Variants in SPATA13 observed in about 807,000 individuals in gnomAD.
The protein encoded by SPATA13 is spermatogenesis associated 13.
Under a neutral mutation model 104.0 loss-of-function variants are expected in SPATA13, and 50 were observed. The observed-to-expected ratio is 0.48, with a 90% confidence interval of 0.38 to 0.61. SPATA13 has a LOEUF of 0.61. Ranked by LOEUF, SPATA13 falls within the 20% of genes least tolerant of loss-of-function variation. The probability of loss-of-function intolerance (pLI) is 0.00; values close to 1 mark genes in which losing one functional copy is unlikely to be tolerated. For synonymous variants in SPATA13, 606 were observed against 667.5 expected (o/e 0.91, Z 1.42); for missense variants, 1,524 against 1,690.6 (o/e 0.90, Z 1.73).
intron 3 of SPATA13, among the ~76,000 whole-genome samples, chr13:24,045,142 C>T (rs899876231): frequency 1.3e-5 from 2 of 152,160 alleles, no homozygotes; most frequent in African/African-American, 2.4e-5. Context: ...GCCAATCCTT[C>T]TGACAAAGTT....
intron 1 of SPATA13, among the ~76,000 whole-genome samples, chr13:24,206,005 G>C: frequency 6.6e-6 from 1 of 152,064 alleles, no homozygotes; most frequent in Admixed American, 6.5e-5. Context: ...TACCATTCAG[G>C]GCATAGGAAT....
intron 3 of SPATA13, among the ~76,000 whole-genome samples, chr13:24,094,751 A>T (rs911523435): frequency 6.6e-6 from 1 of 152,186 alleles, no homozygotes; most frequent in Non-Finnish European, 1.5e-5. Context: ...AGCCTGGGCA[A>T]TATAGCAAGA....
Position 24,288,988 on chromosome 13 carries a change from G to A in SPATA13, c.2668-11G>A, listed in dbSNP as rs184719549. The A allele has an allele frequency of 1.1e-5, 17 of 1,584,070 alleles. No homozygotes were observed. In the East Asian group the frequency reaches 3.4e-4, roughly 31 times the overall value. On this transcript the variant is annotated splice_polypyrimidine_tract_variant and intron_variant, in intron 7 of 12. Coordinates refer to ENST00000382108, the MANE Select transcript of SPATA13 (RefSeq NM_001166271.3). ...TTTCCAAATAAAAAGTATTACTTCTGTATTTTGCAGGGCTATATCCGACAG... is the reference window on the plus strand; with the variant it reads ...TTTCCAAATAAAAAGTATTACTTCTATATTTTGCAGGGCTATATCCGACAG...
At position 24,281,275 on chromosome 13, in the gene SPATA13, G is replaced by A. The variant is rs114057902; in HGVS notation, c.2165-2860G>A. 8.8e-3 allele frequency among the ~76,000 whole-genome samples: 1,348 copies of A among 152,356 alleles called. 19 individuals carry two copies. The highest frequency in any genetic ancestry group is 0.03 in the African/African-American group (1,258 of 41,574). On this transcript the variant is annotated intron_variant, in intron 4 of 12. Transcript: ENST00000382108. ...ACCCCGTCTCTTGGTCTCTTAGACAGCTCACTTTCACTTTTTCCTCACAGA... is the reference window on the plus strand; with the variant it reads ...ACCCCGTCTCTTGGTCTCTTAGACAACTCACTTTCACTTTTTCCTCACAGA...
rs1434081633 is a variant in SPATA13, at chr13:24,122,155, T to G, written c.-111-100664T>G. Reference sequence around the variant, plus strand: ...TGTATCCTCCATGCTTCTCAATCATTTTGGATTCATGGGCTGCTCTTCTTT... The same window carrying G: ...TGTATCCTCCATGCTTCTCAATCATGTTGGATTCATGGGCTGCTCTTCTTT... On this transcript the variant is annotated intron_variant, in intron 3 of 14. Coordinates refer to the SPATA13 transcript ENST00000424834. The G allele has an allele frequency of 8.1e-6, 13 of 1,607,438 alleles. No homozygotes were observed. The African/African-American group carries it at 1.5e-4, about 18-fold the overall frequency.
chr13:24,292,238 G>T (rs1876442590), intron 9 of SPATA13, among the ~76,000 whole-genome samples: 1 of 152,210 alleles, frequency 6.6e-6, no homozygotes, highest in South Asian at 2.1e-4. Context: ...CACCCATTCA[G>T]CATTGGAATG....
At chr13:24,012,421 C>G (rs1876513259) in intron 2 of SPATA13, among the ~76,000 whole-genome samples, 2 of 152,180 alleles carry the variant, frequency 1.3e-5, no homozygotes, top group African/African-American at 4.8e-5. Flanking sequence ...TACACACCAC[C>G]CAGGTACACC....
intron 3 of SPATA13, among the ~76,000 whole-genome samples, chr13:24,031,079 G>GTAGCA (rs955313320): frequency 2.0e-5 from 3 of 152,286 alleles, no homozygotes; most frequent in Non-Finnish European, 2.9e-5. Flanking sequence ...CCCATTCAAA[G>GTAGCA]TAGCAAATGG....
At chr13:23,987,232 T>C (rs903537849) in intron 2 of SPATA13, among the ~76,000 whole-genome samples, 4 of 152,212 alleles carry the variant, frequency 2.6e-5, no homozygotes, top group Non-Finnish European at 4.4e-5. Context: ...TGGTTGTGTC[T>C]CTATTTAGAT....
intron 1 of SPATA13, among the ~76,000 whole-genome samples, chr13:24,219,480 G>A (rs1001521386): frequency 2.6e-5 from 4 of 152,194 alleles, no homozygotes; most frequent in African/African-American, 9.7e-5. Flanking sequence ...AACATAGTGG[G>A]TTGTAACAAC....
chr13:24,189,114 C>G (rs1188471823), intron 1 of SPATA13, among the ~76,000 whole-genome samples: 2 of 152,162 alleles, frequency 1.3e-5, no homozygotes, highest in Non-Finnish European at 2.9e-5. Flanking sequence ...CCTGCTAATA[C>G]AGCATCCATT....
chr13:24,197,409 C>T (rs1334026587), intron 1 of SPATA13, among the ~76,000 whole-genome samples: 1 of 152,128 alleles, frequency 6.6e-6, no homozygotes, highest in Non-Finnish European at 1.5e-5. Context: ...GAATATGTGT[C>T]AGAAATTTAT....
At chr13:24,064,077 C>A (rs1334874947) in intron 3 of SPATA13, among the ~76,000 whole-genome samples, 1 of 152,180 alleles carries the variant, frequency 6.6e-6, no homozygotes, top group Admixed American at 6.5e-5. Flanking sequence ...ACCATGCCTG[C>A]CTACCCTTCC....
At position 24,107,885 on chromosome 13, in the gene SPATA13, A is replaced by G. The variant is rs77033524; in HGVS notation, c.-112+90184A>G. On this transcript the variant is annotated intron_variant, in intron 3 of 14. Transcript: ENST00000424834. ...GTTATGGAAGATGCTCACTCGCACT[A>G]TTCTGGTGCTTCTCACAATTTTAAT... is the stretch of plus-strand genomic sequence containing the variant. Among the ~76,000 whole-genome samples the G allele has an allele frequency of 5.7e-3, 863 of 152,362 alleles. 3 individuals are homozygous for G. The highest frequency in any genetic ancestry group is 8.5e-3 in the Non-Finnish European group (579 of 68,028).
At chr13:24,128,864 T>A (rs1435766240) in intron 3 of SPATA13, among the ~76,000 whole-genome samples, 1 of 152,234 alleles carries the variant, frequency 6.6e-6, no homozygotes, top group Non-Finnish European at 1.5e-5. Flanking sequence ...TTATTACCAA[T>A]TGATCTGGCA....
intron 4 of SPATA13, chr13:24,278,871 T>C (rs930431589): frequency 6.9e-7 from 1 of 1,442,430 alleles, no homozygotes; most frequent in Non-Finnish European, 9.2e-7. Context: ...ATGCTGTTTT[T>C]CTTTCCTTCC....
At chr13:24,045,871 A>T (rs1051952992) in intron 3 of SPATA13, among the ~76,000 whole-genome samples, 4 of 152,158 alleles carry the variant, frequency 2.6e-5, no homozygotes, top group African/African-American at 4.8e-5. Flanking sequence ...AGATGAACTG[A>T]TTCCATTCTG....
At chr13:24,249,061 G>A (rs1211161801) in intron 2 of SPATA13, among the ~76,000 whole-genome samples, 3 of 152,038 alleles carry the variant, frequency 2.0e-5, no homozygotes, top group Non-Finnish European at 4.4e-5. Flanking sequence ...GTAGAGATGG[G>A]GTTTCTGCAT....
chr13:24,125,283 A>G (rs1188308169), intron 3 of SPATA13, among the ~76,000 whole-genome samples: 1 of 152,130 alleles, frequency 6.6e-6, no homozygotes, highest in Non-Finnish European at 1.5e-5. Context: ...ACGGCGGGAG[A>G]GGGAGGAGCC....
Sources: gnomAD v4.1 joint callset for allele counts (sites outside exome capture counted in the v4.1 genomes callset) on GRCh38, gnomAD v4.1.1 for gene constraint, MANE v1.5 for transcripts, NCBI Gene and HGNC (gene_info 2026-07-23, HGNC 2026-07-21) for gene names.